The following RARB variants were observed in gnomAD, a reference collection of about 807,000 sequenced individuals.
The protein encoded by RARB is HBV-activated protein.
RARB carries 17 observed loss-of-function variants against 51.9 expected under a neutral mutation model. The ratio of observed to expected loss-of-function variants is 0.33; its 90% CI spans 0.22 to 0.49. The LOEUF (loss-of-function observed/expected upper bound fraction) is 0.49. Among genes scored for constraint, RARB ranks in the 20% least tolerant of loss-of-function variants. The pLI, the probability that RARB is intolerant of heterozygous loss-of-function variation, is 0.99. For missense variants in RARB, 369 were observed against 550.8 expected (o/e 0.67, Z 3.30); for synonymous variants, 215 against 195.4 (o/e 1.10, Z -0.84).
chr3:24,895,722 G>A (rs142116101), intron 2 of RARB, among the ~76,000 whole-genome samples: 49 of 151,906 alleles, frequency 3.2e-4, no homozygotes, highest in African/African-American at 1.1e-3. Context: ...GAAAAATAAC[G>A]AGTATTGATA....
Position 25,091,958 on chromosome 3 carries a change from C to T in RARB, c.-328+31782C>T, listed in dbSNP as rs570285021. 2.2e-4 allele frequency among the ~76,000 whole-genome samples: 34 copies of T among 152,214 alleles called. 1 individual carries two copies. The highest frequency in any genetic ancestry group is 2.0e-3 in the Admixed American group (30 of 15,282). ...ATTTTCAGAATCTGAGGGATGGTGT[C>T]GGGGTGTGCTGTTTCACTCAAATTA... On this transcript the variant is annotated intron_variant, in intron 3 of 11. Transcript: ENST00000383772.
At chr3:25,230,441 C>T (rs561194710) in intron 5 of RARB, among the ~76,000 whole-genome samples, 1 of 152,138 alleles carries the variant, frequency 6.6e-6, no homozygotes, top group African/African-American at 2.4e-5. Context: ...CATGAAGAAA[C>T]AAGCATAATG....
In RARB at chr3:25,436,935, C is replaced by T. The variant is rs148394109; in HGVS notation, c.157+8047C>T. On this transcript the variant is annotated intron_variant, in intron 1 of 7. Transcript: ENST00000330688. Reference sequence around the variant, plus strand: ...CAAGTAGCCTGCCTTGACACAGGATCGGTTTCTACAGCTATGAAATGGGAA... The same window carrying T: ...CAAGTAGCCTGCCTTGACACAGGATTGGTTTCTACAGCTATGAAATGGGAA... 2.8e-4 allele frequency among the ~76,000 whole-genome samples: 43 copies of T among 152,132 alleles called. No individual in the cohort carries two copies. The East Asian group carries it at 6.6e-3, about 23-fold the overall frequency.
chr3:25,330,258 C>A (rs550188887), intron 5 of RARB, among the ~76,000 whole-genome samples: 8 of 152,162 alleles, frequency 5.3e-5, no homozygotes, highest in African/African-American at 1.9e-4. Flanking sequence ...TAAGGGCAGC[C>A]AGAGAGAAAG....
intron 2 of RARB, among the ~76,000 whole-genome samples, chr3:24,875,260 C>T (rs1270899295): frequency 2.6e-5 from 4 of 152,094 alleles, no homozygotes; most frequent in Admixed American, 2.6e-4. Flanking sequence ...GATACTATAT[C>T]TAGGAAATCT....
At chr3:25,104,005 A>T (rs895464204) in intron 3 of RARB, among the ~76,000 whole-genome samples, 4 of 152,234 alleles carry the variant, frequency 2.6e-5, no homozygotes, top group Non-Finnish European at 4.4e-5. Context: ...GGACACTCAC[A>T]TCAGACAGAT....
At chr3:25,255,642 A>G (rs1480387309) in intron 5 of RARB, among the ~76,000 whole-genome samples, 1 of 150,866 alleles carries the variant, frequency 6.6e-6, no homozygotes, top group African/African-American at 2.4e-5. Context: ...ATAGGTGAAA[A>G]ACAAACTGTA....
At chr3:25,279,343 C>T (rs1409543913) in intron 5 of RARB, among the ~76,000 whole-genome samples, 2 of 152,136 alleles carry the variant, frequency 1.3e-5, no homozygotes, top group Non-Finnish European at 2.9e-5. Flanking sequence ...GTCCTGTTTT[C>T]TTTTTCTCTC....
intron 2 of RARB, among the ~76,000 whole-genome samples, chr3:25,053,770 A>G (rs1698384440): frequency 6.6e-6 from 1 of 152,164 alleles, no homozygotes. Flanking sequence ...TCTGTAGAGT[A>G]CCCAAATCAG....
chr3:24,961,021 T>C (rs756356425), intron 2 of RARB, among the ~76,000 whole-genome samples: 1 of 152,222 alleles, frequency 6.6e-6, no homozygotes, highest in Non-Finnish European at 1.5e-5. Flanking sequence ...TATTTTCTTA[T>C]TTGTCAAATT....
chr3:24,903,279 A>G (rs1161913131), intron 2 of RARB, among the ~76,000 whole-genome samples: 4 of 152,312 alleles, frequency 2.6e-5, no homozygotes, highest in Non-Finnish European at 5.9e-5. Context: ...TCATAAAAAT[A>G]TGACATTAAG....
chr3:25,422,755 A>G (rs1707895201), intron 5 of RARB, among the ~76,000 whole-genome samples: 1 of 152,144 alleles, frequency 6.6e-6, no homozygotes, highest in African/African-American at 2.4e-5. Flanking sequence ...GAGATACACA[A>G]GTTGAAACTG....
intron 2 of RARB, among the ~76,000 whole-genome samples, chr3:24,862,117 C>G (rs554679344): frequency 6.6e-6 from 1 of 152,292 alleles, no homozygotes; most frequent in Admixed American, 6.5e-5. Context: ...CACTGCTCTT[C>G]ACAACTTTAC....
chr3:24,907,634 G>T (rs1270542515), intron 2 of RARB, among the ~76,000 whole-genome samples: 2 of 152,116 alleles, frequency 1.3e-5, no homozygotes, highest in East Asian at 3.9e-4. Context: ...GATGGCATGT[G>T]TAGTCAGCTT....
chr3:25,079,038 A>G (rs1188195981), intron 3 of RARB, among the ~76,000 whole-genome samples: 1 of 148,178 alleles, frequency 6.7e-6, no homozygotes, highest in Non-Finnish European at 1.5e-5. Flanking sequence ...ATATCTCTGC[A>G]TTTATGTAGG....
chr3:24,982,069 A>T lies in RARB; in HGVS notation c.-379-78056A>T, dbSNP rs117756391. ...TGGGTCCTGGCCAGCCACTGCTTCA[A>T]TGATATTATATATCATCTGCCTCAT... On this transcript the variant is annotated intron_variant, in intron 2 of 11. Transcript: ENST00000383772. Among the ~76,000 whole-genome samples the T allele has an allele frequency of 8.5e-5, 13 of 152,236 alleles. No homozygotes were observed. In the East Asian group the frequency reaches 2.5e-3, roughly 29 times the overall value.
intron 5 of RARB, among the ~76,000 whole-genome samples, chr3:25,303,910 C>T (rs1026948814): frequency 2.0e-5 from 3 of 152,094 alleles, no homozygotes; most frequent in African/African-American, 7.2e-5. Context: ...TTTAATGAGG[C>T]TTGTGAATAT....
intron 3 of RARB, among the ~76,000 whole-genome samples, chr3:25,521,579 A>C (rs750549697): frequency 1.3e-5 from 2 of 151,880 alleles, no homozygotes; most frequent in Non-Finnish European, 2.9e-5. Context: ...GCTGTGCAGT[A>C]GGAAGGAATG....
intron 5 of RARB, among the ~76,000 whole-genome samples, chr3:25,335,962 C>G (rs76948674): frequency 6.6e-6 from 1 of 151,960 alleles, no homozygotes; most frequent in Non-Finnish European, 1.5e-5. Context: ...TATCCATCCT[C>G]TAAAACACAG....
Sources: gnomAD v4.1 joint callset for allele counts (sites outside exome capture counted in the v4.1 genomes callset) on GRCh38, gnomAD v4.1.1 for gene constraint, MANE v1.5 for transcripts, NCBI Gene and HGNC (gene_info 2026-07-23, HGNC 2026-07-21) for gene names.